Variants in LRRC3B observed in about 807,000 individuals in gnomAD.
LRRC3B encodes leucine-rich repeat-containing protein 3B.
LRRC3B carries 2 observed loss-of-function variants against 12.8 expected under a neutral mutation model. The ratio of observed to expected loss-of-function variants is 0.16; its 90% CI spans 0.06 to 0.49. The LOEUF (loss-of-function observed/expected upper bound fraction) is 0.49. LRRC3B is among the 20% of genes least tolerant of loss of function. LRRC3B has a pLI of 0.96. For missense variants in LRRC3B, 189 were observed against 319.4 expected, an observed-to-expected ratio of 0.59 and a Z score of 3.11; for synonymous variants, 132 against 122.0, an observed-to-expected ratio of 1.08 and a Z score of -0.54.
chr3:26,644,013 T>A (rs1460553304), intron 1 of LRRC3B, among the ~76,000 whole-genome samples: 1 of 152,204 alleles, frequency 6.6e-6, no homozygotes, highest in Non-Finnish European at 1.5e-5. Flanking sequence ...CACTGCGGTG[T>A]GAAAGGTGAT....
At chr3:26,643,436 G>C (rs1699076601) in intron 1 of LRRC3B, among the ~76,000 whole-genome samples, 1 of 152,104 alleles carries the variant, frequency 6.6e-6, no homozygotes, top group Non-Finnish European at 1.5e-5. Context: ...GGTTATGTCA[G>C]CCCAGGGCTC....
At chr3:26,645,913 G>C (rs1215676441) in intron 1 of LRRC3B, among the ~76,000 whole-genome samples, 3 of 152,084 alleles carry the variant, frequency 2.0e-5, no homozygotes, top group Non-Finnish European at 4.4e-5. Context: ...CTTTGAGTTT[G>C]CCGTCATATC....
exon 2 of LRRC3B, chr3:26,709,587 A>T: frequency 7.5e-7 from 1 of 1,325,100 alleles, no homozygotes; most frequent in Non-Finnish European, 1.1e-6. Context: ...CAAGAAGGAA[A>T]TCAATAGTGT....
intron 1 of LRRC3B, among the ~76,000 whole-genome samples, chr3:26,635,370 AT>A (rs1698844206): frequency 6.6e-6 from 1 of 152,138 alleles, no homozygotes; most frequent in South Asian, 2.1e-4. Context: ...CTAACCCCCA[AT>A]GTGATGGTAT....
intron 1 of LRRC3B, among the ~76,000 whole-genome samples, chr3:26,669,932 A>G (rs575421104): frequency 1.3e-5 from 2 of 152,314 alleles, no homozygotes; most frequent in Non-Finnish European, 2.9e-5. Flanking sequence ...TATCCACACC[A>G]TTACATTCCA....
At chr3:26,692,501 G>A (rs1427775960) in intron 1 of LRRC3B, among the ~76,000 whole-genome samples, 1 of 152,124 alleles carries the variant, frequency 6.6e-6, no homozygotes, top group Non-Finnish European at 1.5e-5. Context: ...GAACATTATT[G>A]ACTGTCATGG....
intron 1 of LRRC3B, among the ~76,000 whole-genome samples, chr3:26,657,529 T>C (rs1416106446): frequency 6.6e-6 from 1 of 152,218 alleles, no homozygotes; most frequent in African/African-American, 2.4e-5. Context: ...TCCTTAGTGA[T>C]CACATTCTAA....
intron 1 of LRRC3B, among the ~76,000 whole-genome samples, chr3:26,676,280 G>T (rs1699859572): frequency 7.5e-6 from 1 of 133,048 alleles, no homozygotes; most frequent in East Asian, 2.2e-4. Context: ...TCCCCTTCCT[G>T]TGTCCATGTG....
intron 1 of LRRC3B, among the ~76,000 whole-genome samples, chr3:26,626,075 A>G (rs1370103205): frequency 6.6e-6 from 1 of 152,198 alleles, no homozygotes; most frequent in African/African-American, 2.4e-5. Flanking sequence ...TCCAAACTGC[A>G]GCGGCGTACT....
intron 1 of LRRC3B, among the ~76,000 whole-genome samples, chr3:26,706,745 G>A (rs1301776628): frequency 2.6e-5 from 4 of 152,198 alleles, no homozygotes; most frequent in Admixed American, 2.0e-4. Flanking sequence ...GAAGCCTGCT[G>A]AGGAAGAGTT....
chr3:26,668,791 G>C (rs1478816675), intron 1 of LRRC3B, among the ~76,000 whole-genome samples: 3 of 152,162 alleles, frequency 2.0e-5, no homozygotes, highest in Admixed American at 6.5e-5. Flanking sequence ...CCATTTCAGT[G>C]TATGATCCTC....
intron 1 of LRRC3B, among the ~76,000 whole-genome samples, chr3:26,707,183 C>G (rs1301869778): frequency 7.3e-6 from 1 of 137,392 alleles, no homozygotes; most frequent in Non-Finnish European, 1.6e-5. Flanking sequence ...GAAACCCTGT[C>G]TCTACTAAAA....
At chr3:26,688,702 C>T (rs149325910) in intron 1 of LRRC3B, among the ~76,000 whole-genome samples, 6 of 152,276 alleles carry the variant, frequency 3.9e-5, no homozygotes, top group East Asian at 1.9e-4. Context: ...AAACCATTCA[C>T]GAAAGATCCT....
chr3:26,684,255 A>G (rs372544109), intron 1 of LRRC3B, among the ~76,000 whole-genome samples: 3 of 152,240 alleles, frequency 2.0e-5, no homozygotes, highest in South Asian at 2.1e-4. Context: ...GTAACTGTCA[A>G]TCCCACTGGT....
intron 1 of LRRC3B, among the ~76,000 whole-genome samples, chr3:26,688,020 A>C (rs888756218): frequency 4.6e-5 from 7 of 152,188 alleles, no homozygotes; most frequent in Admixed American, 6.5e-5. Context: ...ACCTCATTGA[A>C]GCTTCCATCT....
chr3:26,646,369 T>C (rs1299717779), intron 1 of LRRC3B, among the ~76,000 whole-genome samples: 1 of 152,140 alleles, frequency 6.6e-6, no homozygotes, highest in Admixed American at 6.5e-5. Flanking sequence ...TCAAACTTGC[T>C]TGAAGGAGAG....
chr3:26,707,904 T>C (rs986931606), intron 1 of LRRC3B, among the ~76,000 whole-genome samples: 2 of 152,176 alleles, frequency 1.3e-5, no homozygotes, highest in Admixed American at 1.3e-4. Flanking sequence ...GAGGGCTTAG[T>C]AAGCTTAGGG....
At chr3:26,646,784 G>A (rs1051181441) in intron 1 of LRRC3B, among the ~76,000 whole-genome samples, 2 of 152,030 alleles carry the variant, frequency 1.3e-5, no homozygotes, top group Admixed American at 6.6e-5. Flanking sequence ...ACCAAAGCTA[G>A]CCTCCAGATG....
At chr3:26,653,638 G>C (rs1293673479) in intron 1 of LRRC3B, among the ~76,000 whole-genome samples, 1 of 152,114 alleles carries the variant, frequency 6.6e-6, no homozygotes, top group Non-Finnish European at 1.5e-5. Flanking sequence ...CTGAAGTCTA[G>C]CTGAGATTTT....
Sources: allele counts gnomAD v4.1 joint callset (sites outside exome capture counted in the v4.1 genomes callset), GRCh38; gene constraint gnomAD v4.1.1; transcripts MANE v1.5; gene names NCBI Gene and HGNC (gene_info 2026-07-23, HGNC 2026-07-21).